The following GRIA4 variants were observed in gnomAD, a reference collection of about 807,000 sequenced individuals.
GRIA4 encodes glutamate ionotropic receptor AMPA type subunit 4.
In GRIA4, 34 loss-of-function variants were observed where a neutral mutation model predicts 104.0. That is an observed-to-expected ratio of 0.33 (90% CI 0.25 to 0.44). The LOEUF is 0.44. GRIA4 is among the 20% of genes least tolerant of loss of function. The pLI is 1.00. For missense variants in GRIA4, 750 were observed against 1,096.5 expected (o/e 0.68, Z 4.46); for synonymous variants, 386 against 381.9 (o/e 1.01, Z -0.13).
intron 7 of GRIA4, among the ~76,000 whole-genome samples, chr11:105,903,491 A>C (rs563688357): frequency 6.6e-6 from 1 of 152,310 alleles, no homozygotes; most frequent in Non-Finnish European, 1.5e-5. Context: ...TTGATACATT[A>C]GCTATTTGTA....
At chr11:105,975,851 C>G (rs182133186) in intron 16 of GRIA4, among the ~76,000 whole-genome samples, 2 of 152,164 alleles carry the variant, frequency 1.3e-5, no homozygotes, top group African/African-American at 4.8e-5. Flanking sequence ...GATCTAATTG[C>G]TTTCATCCAT....
At chr11:105,901,716 C>G (rs518744) in intron 7 of GRIA4, among the ~76,000 whole-genome samples, 12,923 of 152,230 alleles carry the variant, frequency 0.085, 609 homozygotes, top group African/African-American at 0.11. Flanking sequence ...CTGTGTGATA[C>G]CTGCTCTTTT....
Position 105,634,414 on chromosome 11 carries a change from G to C in GRIA4, c.247+21980G>C, listed in dbSNP as rs948295969. ...AAGGAAGGAAGGAAGGAGAAAGGAA[G>C]GAAGGAGAAAGGAAGGGAGGAGAAA... On this transcript the variant is annotated intron_variant, in intron 3 of 16. Transcript: ENST00000282499. Among the ~76,000 whole-genome samples the C allele has an allele frequency of 2.8e-5, 4 of 142,066 alleles. No individual in the cohort carries two copies. In the South Asian group the frequency reaches 8.7e-4, roughly 31 times the overall value. The allele number at this position is 142,066 out of a possible 152,430, so 93.2% of individuals were successfully genotyped here. A position where few individuals can be genotyped will look rare whatever the true frequency, so the allele number is the denominator to read the frequency against.
intron 4 of GRIA4, among the ~76,000 whole-genome samples, chr11:105,834,395 G>T (rs1021918685): frequency 6.6e-6 from 1 of 152,040 alleles, no homozygotes; most frequent in Non-Finnish European, 1.5e-5. Flanking sequence ...TCATACATCT[G>T]TCCCCATGCA....
intron 4 of GRIA4, among the ~76,000 whole-genome samples, chr11:105,782,197 C>T (rs1941759149): frequency 6.6e-6 from 1 of 152,084 alleles, no homozygotes; most frequent in Non-Finnish European, 1.5e-5. Flanking sequence ...TGCCTCATTC[C>T]CTAAGAATTG....
intron 4 of GRIA4, among the ~76,000 whole-genome samples, chr11:105,854,889 T>G (rs1227608668): frequency 1.3e-5 from 2 of 152,220 alleles, no homozygotes; most frequent in African/African-American, 4.8e-5. Flanking sequence ...TTAGTGGGGT[T>G]ATGCTTTGAT....
At chr11:105,886,088 A>C (rs1031596796) in intron 5 of GRIA4, among the ~76,000 whole-genome samples, 10 of 152,250 alleles carry the variant, frequency 6.6e-5, no homozygotes, top group Admixed American at 6.5e-4. Context: ...CTTGAATGCA[A>C]TCAAAACAAA....
intron 6 of GRIA4, among the ~76,000 whole-genome samples, chr11:105,895,531 G>A (rs187295866): frequency 1.4e-3 from 211 of 147,504 alleles, no homozygotes; most frequent in Middle Eastern, 6.9e-3. Context: ...ATAGATACAT[G>A]ATAGATAATG....
intron 15 of GRIA4, among the ~76,000 whole-genome samples, 164 bp from the exon 16 acceptor site, chr11:105,974,146 G>A (rs1292792387): frequency 6.6e-6 from 1 of 152,108 alleles, no homozygotes; most frequent in Admixed American, 6.5e-5. Context: ...AGAGCTATAA[G>A]ATTTATGTTT....
chr11:105,956,303 C>T (rs567072583), intron 14 of GRIA4, among the ~76,000 whole-genome samples: 3 of 152,212 alleles, frequency 2.0e-5, no homozygotes, highest in South Asian at 2.1e-4. Flanking sequence ...GTTCCCTACA[C>T]TGTGTCAAAG....
intron 5 of GRIA4, among the ~76,000 whole-genome samples, chr11:105,883,201 A>G (rs144270455): frequency 3.3e-4 from 50 of 152,238 alleles, no homozygotes; most frequent in Admixed American, 8.5e-4. Flanking sequence ...TTGAGAGCGT[A>G]TAATTGATCC....
intron 3 of GRIA4, among the ~76,000 whole-genome samples, chr11:105,676,681 T>C (rs1007386656): frequency 5.9e-5 from 9 of 151,782 alleles, no homozygotes; most frequent in African/African-American, 2.2e-4. Context: ...CTCTCTCATG[T>C]GATAGTGTAA....
At chr11:105,926,963 A>G in intron 13 of GRIA4, 24 bp downstream of exon 13, 1 of 1,497,622 alleles carries the variant, frequency 6.7e-7, no homozygotes, top group Non-Finnish European at 9.3e-7. Context: ...AAAACTAAAA[A>G]TGAAATGTTT....
At chr11:105,954,370 C>A (rs1353998237) in intron 14 of GRIA4, among the ~76,000 whole-genome samples, 1 of 152,066 alleles carries the variant, frequency 6.6e-6, no homozygotes, top group African/African-American at 2.4e-5. Flanking sequence ...TATTATATTA[C>A]AAAATAACTG....
chr11:105,745,635 T>A lies in GRIA4; in HGVS notation c.248-7346T>A, dbSNP rs76921916. Among the ~76,000 whole-genome samples the A allele has an allele frequency of 3.1e-4, 47 of 152,326 alleles. No individual in the cohort carries two copies. The East Asian group carries it at 8.9e-3, about 29-fold the overall frequency. ...GTTGTACAAAGTTGTCTCAAATGAC[T>A]TCTTAGTTTTATCTGTAAAATATAG... On this transcript the variant is annotated intron_variant, in intron 3 of 16. Coordinates refer to ENST00000282499, the MANE Select transcript of GRIA4 (RefSeq NM_000829.4).
chr11:105,888,547 A>G (rs1453687554), intron 6 of GRIA4, among the ~76,000 whole-genome samples: 1 of 151,314 alleles, frequency 6.6e-6, no homozygotes, highest in Non-Finnish European at 1.5e-5. Context: ...CGGCCTCCCA[A>G]AGTGCTGGGA....
At chr11:105,921,767 A>G (rs1249388773) in intron 11 of GRIA4, among the ~76,000 whole-genome samples, 1 of 152,174 alleles carries the variant, frequency 6.6e-6, no homozygotes, top group African/African-American at 2.4e-5. Context: ...AGGCATTTCA[A>G]GTAAGTGAAA....
intron 3 of GRIA4, among the ~76,000 whole-genome samples, chr11:105,690,500 G>A (rs1319282583): frequency 2.6e-5 from 4 of 152,270 alleles, no homozygotes; most frequent in Non-Finnish European, 4.4e-5. Flanking sequence ...TCTGATAGGG[G>A]TGCAGTACTC....
chr11:105,698,615 G>A (rs1953371029), intron 3 of GRIA4, among the ~76,000 whole-genome samples: 1 of 152,154 alleles, frequency 6.6e-6, no homozygotes, highest in African/African-American at 2.4e-5. Flanking sequence ...TGGAACCAAG[G>A]AAAACTTCTT....
Sources: allele counts gnomAD v4.1 joint callset (sites outside exome capture counted in the v4.1 genomes callset), GRCh38; gene constraint gnomAD v4.1.1; transcripts MANE v1.5; gene names NCBI Gene and HGNC (gene_info 2026-07-23, HGNC 2026-07-21).